FER: variants seen among roughly 807,000 people sequenced by gnomAD.
FER encodes the protein tyrosine-protein kinase Fer.
In FER, 63 loss-of-function variants were observed where a neutral mutation model predicts 111.0. The ratio of observed to expected loss-of-function variants is 0.57; its 90% confidence interval spans 0.46 to 0.70. FER has a LOEUF of 0.70. FER is among the 30% of genes least tolerant of loss of function. FER has a pLI of 0.00. For synonymous variants in FER, 327 were observed against 313.9 expected, an observed-to-expected ratio of 1.04 and a Z score of -0.44; for missense variants, 914 against 954.0, an observed-to-expected ratio of 0.96 and a Z score of 0.55.
At chr5:108,882,027 A>G (rs140383515) in intron 8 of FER, among the ~76,000 whole-genome samples, 3 of 152,226 alleles carry the variant, frequency 2.0e-5, no homozygotes, top group East Asian at 3.9e-4. Context: ...AAAACCTTAT[A>G]TATGTGTACC....
chr5:109,016,324 G>A (rs1333641194), intron 13 of FER, among the ~76,000 whole-genome samples: 1 of 151,968 alleles, frequency 6.6e-6, no homozygotes, highest in Non-Finnish European at 1.5e-5. Context: ...ACAGAATACT[G>A]GAGGATTAGT....
chr5:109,187,730 G>A lies in FER; in HGVS notation c.*155G>A. ...GGTGTTTTAAAAGTACGTTCCACTTGTAAAAAGTCAAAGGCAAATTTGTTA... is the reference window on the plus strand; with the variant it reads ...GGTGTTTTAAAAGTACGTTCCACTTATAAAAAGTCAAAGGCAAATTTGTTA... On this transcript the variant is annotated 3_prime_UTR_variant, in exon 20 of 20. Coordinates refer to ENST00000281092, the MANE Select transcript of FER (RefSeq NM_005246.4). 1.0e-6 allele frequency: 1 copy of A among 997,136 alleles called. No homozygotes were observed. The allele number at this position is 997,136 out of a possible 1,614,324, so 61.8% of individuals were successfully genotyped here. A position where few individuals can be genotyped will look rare whatever the true frequency, so the allele number is the denominator to read the frequency against.
At chr5:109,004,768 T>A (rs1257564607) in intron 13 of FER, among the ~76,000 whole-genome samples, 1 of 152,218 alleles carries the variant, frequency 6.6e-6, no homozygotes, top group Non-Finnish European at 1.5e-5. Context: ...TATGTTGGTT[T>A]GGAACCTGGT....
chr5:109,001,849 CAGAG>C (rs1368830104), intron 13 of FER, among the ~76,000 whole-genome samples: 4 of 151,658 alleles, frequency 2.6e-5, no homozygotes, highest in East Asian at 3.8e-4. Flanking sequence ...AACAGACAAA[CAGAG>C]AGCCAAATCA....
Position 109,047,135 on chromosome 5 carries a change from G to A in FER, c.1861G>A (p.Val621Ile). 1 of 1,604,774 alleles carries A rather than the reference G, an allele frequency of 6.2e-7. No individual in the cohort carries two copies. Among genetic ancestry groups the A allele is most frequent in the Non-Finnish European group, 8.5e-7 (1 of 1,174,554 alleles). Reference sequence around the variant, plus strand: ...CAAGCAATATGATCATCCCAATATTGTCAAACTTATAGGAGTTTGCACACA... The same window carrying A: ...CAAGCAATATGATCATCCCAATATTATCAAACTTATAGGAGTTTGCACACA... ...ILKQYDHPNI[V>I]KLIGVCTQRQ... The change falls in exon 16 of 20, where the codon GTC (valine) becomes ATC (isoleucine). Residue 621 changes from valine to isoleucine, a missense_variant. Coordinates refer to ENST00000281092, the MANE Select transcript of FER (RefSeq NM_005246.4).
At chr5:109,024,133 C>A (rs1012855523) in intron 13 of FER, among the ~76,000 whole-genome samples, 3 of 152,160 alleles carry the variant, frequency 2.0e-5, no homozygotes, top group Non-Finnish European at 4.4e-5. Context: ...CAAGCAGTTT[C>A]GCTCCATAGC....
intron 2 of FER, among the ~76,000 whole-genome samples, chr5:108,794,534 C>CCA (rs1554066087): frequency 4.8e-5 from 6 of 124,182 alleles, no homozygotes; most frequent in African/African-American, 1.6e-4. Context: ...GCACCCCCCC[C>CCA]CCTCCCCGCA....
chr5:108,907,828 A>G (rs1751005011), intron 10 of FER, among the ~76,000 whole-genome samples: 1 of 151,776 alleles, frequency 6.6e-6, no homozygotes, highest in African/African-American at 2.4e-5. Context: ...CTTTGTATTC[A>G]GGTATCAGTG....
chr5:108,764,309 C>T (rs1211011679), intron 1 of FER, among the ~76,000 whole-genome samples: 1 of 152,144 alleles, frequency 6.6e-6, no homozygotes, highest in Non-Finnish European at 1.5e-5. Flanking sequence ...GATATAACTA[C>T]TTCATTTATT....
intron 10 of FER, among the ~76,000 whole-genome samples, chr5:108,931,492 A>T (rs1467487531): frequency 6.6e-6 from 1 of 152,114 alleles, no homozygotes; most frequent in Non-Finnish European, 1.5e-5. Flanking sequence ...TAATGAAAAA[A>T]GTTTGTGATC....
chr5:109,178,012 T>C (rs550941828), intron 17 of FER, among the ~76,000 whole-genome samples: 125 of 152,302 alleles, frequency 8.2e-4, no homozygotes, highest in African/African-American at 2.8e-3. Context: ...AACTGGGCAA[T>C]AGTAGGCTTA....
chr5:109,152,937 T>C (rs1755008765), intron 17 of FER, among the ~76,000 whole-genome samples: 1 of 151,928 alleles, frequency 6.6e-6, no homozygotes, highest in Admixed American at 6.6e-5. Context: ...CTTTTAAAAA[T>C]AGATTAACAG....
intron 13 of FER, among the ~76,000 whole-genome samples, chr5:108,964,004 A>G (rs1038594241): frequency 6.6e-6 from 1 of 152,214 alleles, no homozygotes; most frequent in Non-Finnish European, 1.5e-5. Context: ...ATTTTATGAA[A>G]TCAGTCTTCC....
At chr5:108,996,899 GA>G (rs1764056465) in intron 13 of FER, among the ~76,000 whole-genome samples, 1 of 152,150 alleles carries the variant, frequency 6.6e-6, no homozygotes, top group African/African-American at 2.4e-5. Flanking sequence ...CATGAGCATG[GA>G]ATGTTTTTTC....
intron 9 of FER, among the ~76,000 whole-genome samples, chr5:108,895,526 G>A (rs1032039845): frequency 3.3e-5 from 5 of 152,052 alleles, no homozygotes; most frequent in African/African-American, 1.2e-4. Context: ...CATCACTCTT[G>A]GTCCCAAGTT....
intron 1 of FER, among the ~76,000 whole-genome samples, chr5:108,756,275 T>C (rs1751101882): frequency 6.6e-6 from 1 of 152,064 alleles, no homozygotes; most frequent in Non-Finnish European, 1.5e-5. Flanking sequence ...CGTTCTTATA[T>C]AGGTTAACCA....
chr5:108,769,796 C>T (rs1752697279), intron 2 of FER, among the ~76,000 whole-genome samples: 1 of 152,126 alleles, frequency 6.6e-6, no homozygotes, highest in African/African-American at 2.4e-5. Context: ...AACTATCTTT[C>T]TTGTTAACTG....
intron 1 of FER, among the ~76,000 whole-genome samples, chr5:108,764,762 G>GT (rs1189278628): frequency 1.3e-5 from 2 of 152,286 alleles, no homozygotes; most frequent in East Asian, 3.9e-4. Flanking sequence ...TAAATATTTA[G>GT]TTTATCAGAA....
intron 17 of FER, among the ~76,000 whole-genome samples, chr5:109,116,454 A>G (rs542626671): frequency 2.0e-5 from 3 of 152,006 alleles, no homozygotes; most frequent in Non-Finnish European, 4.4e-5. Context: ...AAAAAAAATA[A>G]CAGTGTCAAT....
Sources: allele counts gnomAD v4.1 joint callset (sites outside exome capture counted in the v4.1 genomes callset), GRCh38; gene constraint gnomAD v4.1.1; transcripts MANE v1.5; gene names NCBI Gene and HGNC (gene_info 2026-07-23, HGNC 2026-07-21).